Variants in THRB observed in about 807,000 individuals in gnomAD.
THRB encodes nuclear receptor subfamily 1 group A member 2.
A neutral mutation model predicts 47.8 loss-of-function variants in THRB; 12 were observed. That is an observed-to-expected ratio of 0.25 (90% CI 0.16 to 0.41). THRB has a LOEUF of 0.41. Ranked by LOEUF, THRB falls within the 10% of genes least tolerant of loss-of-function variation. THRB has a pLI of 1.00. For missense variants in THRB, 348 were observed against 589.2 expected (o/e 0.59, Z 4.24); for synonymous variants, 218 against 212.2 (o/e 1.03, Z -0.24).
chr3:24,188,878 T>TATATATATATATATATATATATATAG (rs2042971289), intron 5 of THRB, among the ~76,000 whole-genome samples: 1 of 142,368 alleles, frequency 7.0e-6, no homozygotes, highest in African/African-American at 2.7e-5. Context: ...TATATATATA[T>TATATATATATATATATATATATATAG]ATATATGAGA....
intron 1 of THRB, among the ~76,000 whole-genome samples, chr3:24,417,274 G>A (rs1249354935): frequency 2.0e-5 from 3 of 151,728 alleles, no homozygotes; most frequent in African/African-American, 4.8e-5. Flanking sequence ...GAGAGAACAC[G>A]CTAATAATGT....
intron 1 of THRB, among the ~76,000 whole-genome samples, chr3:24,342,654 G>A (rs755791218): frequency 6.6e-6 from 1 of 152,168 alleles, no homozygotes. Flanking sequence ...TAATACAGAG[G>A]CAGGGCATGG....
intron 3 of THRB, among the ~76,000 whole-genome samples, chr3:24,251,696 C>G (rs543681372): frequency 2.0e-4 from 30 of 152,114 alleles, no homozygotes; most frequent in African/African-American, 6.7e-4. Flanking sequence ...CCCCTCCTCT[C>G]CCTTCCCTGA....
intron 3 of THRB, among the ~76,000 whole-genome samples, chr3:24,258,415 T>C (rs891056958): frequency 6.6e-6 from 1 of 152,104 alleles, no homozygotes; most frequent in South Asian, 2.1e-4. Flanking sequence ...AGCTTATGTT[T>C]TCTCCCAACC....
At chr3:24,267,295 T>C (rs1412192232) in intron 3 of THRB, among the ~76,000 whole-genome samples, 1 of 151,188 alleles carries the variant, frequency 6.6e-6, no homozygotes, top group African/African-American at 2.4e-5. Flanking sequence ...CAATAGAACA[T>C]AAGGATTAGT....
At chr3:24,193,473 C>T (rs1414893582) in intron 4 of THRB, among the ~76,000 whole-genome samples, 2 of 152,130 alleles carry the variant, frequency 1.3e-5, no homozygotes, top group Non-Finnish European at 2.9e-5. Flanking sequence ...TTTGAATAAG[C>T]GTGTAGTTTC....
chr3:24,362,976 G>A (rs932848106), intron 1 of THRB, among the ~76,000 whole-genome samples: 4 of 152,162 alleles, frequency 2.6e-5, no homozygotes, highest in African/African-American at 9.6e-5. Context: ...CTGGGACTAG[G>A]ACAATTACTG....
intron 3 of THRB, among the ~76,000 whole-genome samples, chr3:24,231,569 G>C (rs760550705): frequency 7.2e-5 from 11 of 151,964 alleles, no homozygotes; most frequent in Admixed American, 4.6e-4. Context: ...TAGTATACTA[G>C]TGTTACTTTT....
chr3:24,352,732 A>G (rs1244777661), intron 1 of THRB, among the ~76,000 whole-genome samples: 5 of 152,188 alleles, frequency 3.3e-5, no homozygotes, highest in Non-Finnish European at 7.4e-5. Context: ...GAATTCAACC[A>G]TATTTTAAGC....
intron 1 of THRB, among the ~76,000 whole-genome samples, chr3:24,339,513 A>G (rs535254557): frequency 6.6e-6 from 1 of 152,324 alleles, no homozygotes; most frequent in South Asian, 2.1e-4. Flanking sequence ...TAAATGATTG[A>G]GAACAGATTT....
chr3:24,482,577 T>C (rs1696643249), intron 1 of THRB, among the ~76,000 whole-genome samples: 1 of 120,808 alleles, frequency 8.3e-6, no homozygotes, highest in Non-Finnish European at 1.7e-5. Context: ...CTCTCTCCAA[T>C]GTCCTAGCTC....
chr3:24,368,044 T>C (rs776505105), intron 1 of THRB, among the ~76,000 whole-genome samples: 4 of 152,160 alleles, frequency 2.6e-5, no homozygotes, highest in Non-Finnish European at 5.9e-5. Flanking sequence ...CATAGTTCAC[T>C]AATCCCACAT....
intron 3 of THRB, among the ~76,000 whole-genome samples, chr3:24,271,866 G>A (rs1443857013): frequency 6.6e-6 from 1 of 152,084 alleles, no homozygotes; most frequent in African/African-American, 2.4e-5. Context: ...AGTAAAGGTA[G>A]AAGGGAAAAT....
chr3:24,302,723 AT>A (rs1251459316), intron 2 of THRB, among the ~76,000 whole-genome samples: 1 of 152,104 alleles, frequency 6.6e-6, no homozygotes, highest in African/African-American at 2.4e-5. Context: ...CTGGCTTTGT[AT>A]TTTTCCCCAT....
chr3:24,410,323 C>T (rs1430521175), intron 1 of THRB, among the ~76,000 whole-genome samples: 1 of 151,722 alleles, frequency 6.6e-6, no homozygotes, highest in Non-Finnish European at 1.5e-5. Context: ...CCAAATTGGC[C>T]TAGTTTCATG....
At chr3:24,149,702 C>G (rs1447207684) in intron 6 of THRB, among the ~76,000 whole-genome samples, 3 of 151,804 alleles carry the variant, frequency 2.0e-5, no homozygotes, top group Admixed American at 1.3e-4. Flanking sequence ...AAAATGTTGG[C>G]CTTTCTTAAG....
At chr3:24,458,528 C>T (rs1240480887) in intron 1 of THRB, 1 of 152,198 alleles carries the variant, frequency 6.6e-6, no homozygotes, top group African/African-American at 2.4e-5. Flanking sequence ...TCAGTCCACT[C>T]AGTAGGGTCC....
intron 1 of THRB, among the ~76,000 whole-genome samples, chr3:24,470,865 C>T (rs1447774748): frequency 6.6e-6 from 1 of 152,202 alleles, no homozygotes; most frequent in African/African-American, 2.4e-5. Context: ...GATCAGCCTG[C>T]CTTGGCCTCC....
chr3:24,158,115 T>G (rs2038152690), intron 5 of THRB, among the ~76,000 whole-genome samples: 1 of 152,214 alleles, frequency 6.6e-6, no homozygotes. Context: ...AGCAAATTTT[T>G]AAAACTAGGA....
Sources: gnomAD v4.1 joint callset for allele counts (sites outside exome capture counted in the v4.1 genomes callset) on GRCh38, gnomAD v4.1.1 for gene constraint, MANE v1.5 for transcripts, NCBI Gene and HGNC (gene_info 2026-07-23, HGNC 2026-07-21) for gene names.